Variants in DPP6 observed in about 807,000 individuals in gnomAD.
The protein encoded by DPP6 is dipeptidyl peptidase like 6, also known as A-type potassium channel modulatory protein DPP6.
Under a neutral mutation model 122.6 loss-of-function variants are expected in DPP6, and 69 were observed. The observed-to-expected ratio is 0.56, with a 90% CI of 0.46 to 0.69. The LOEUF (loss-of-function observed/expected upper bound fraction) is 0.69. Among genes scored for constraint, DPP6 ranks in the 30% least tolerant of loss-of-function variants. The pLI, the probability that DPP6 is intolerant of heterozygous loss-of-function variation, is 0.00. For missense variants in DPP6, 928 were observed against 1,116.9 expected (o/e 0.83, Z 2.41); for synonymous variants, 418 against 433.1 (o/e 0.97, Z 0.43).
chr7:154,798,062 G>T (rs143034309), intron 12 of DPP6, among the ~76,000 whole-genome samples: 5 of 152,338 alleles, frequency 3.3e-5, no homozygotes, highest in Non-Finnish European at 7.3e-5. Flanking sequence ...GTGATTCTTT[G>T]TTGGGGGCAG....
At chr7:154,888,087 C>CTTTT (rs532540671) in intron 23 of DPP6, among the ~76,000 whole-genome samples, 2 of 118,936 alleles carry the variant, frequency 1.7e-5, no homozygotes, top group Non-Finnish European at 3.4e-5. Flanking sequence ...GGAGAGTGAG[C>CTTTT]TTTTTTTTTT....
In DPP6 at chr7:154,564,335, G is replaced by C. The variant is rs1830605531; in HGVS notation, c.553-2507G>C. ...GTTTTCTAAAGATAAAATCAACATTGTCTAAAACGTGGATAGTAAGGATCA... is the reference window on the plus strand; with the variant it reads ...GTTTTCTAAAGATAAAATCAACATTCTCTAAAACGTGGATAGTAAGGATCA... On this transcript the variant is annotated intron_variant, in intron 4 of 25. Transcript: ENST00000377770. Among the ~76,000 whole-genome samples, 3 of 152,204 alleles carry C rather than the reference G, an allele frequency of 2.0e-5. No individual in the cohort carries two copies. The South Asian group carries it at 6.2e-4, about 32-fold the overall frequency.
chr7:154,572,308 C>T (rs1831158068), intron 5 of DPP6, among the ~76,000 whole-genome samples: 1 of 152,014 alleles, frequency 6.6e-6, no homozygotes, highest in South Asian at 2.1e-4. Context: ...CCAACTATAT[C>T]CCAGAATCTT....
intron 3 of DPP6, among the ~76,000 whole-genome samples, chr7:154,535,622 T>A (rs542356047): frequency 4.8e-4 from 72 of 151,116 alleles, no homozygotes; most frequent in Admixed American, 9.9e-4. Context: ...TAAAGAATTT[T>A]AAAAAATACA....
chr7:154,556,863 A>G (rs1830080629), intron 4 of DPP6, among the ~76,000 whole-genome samples: 1 of 152,216 alleles, frequency 6.6e-6, no homozygotes, highest in South Asian at 2.1e-4. Context: ...ATCAAGCCTG[A>G]AACCAAGGCC....
At chr7:153,919,341 G>A (rs74550250) in intron 1 of DPP6, among the ~76,000 whole-genome samples, 1,698 of 152,228 alleles carry the variant, frequency 0.011, 36 homozygotes, top group African/African-American at 0.038. Flanking sequence ...TGCATTCATC[G>A]TCCGAATGCC....
At chr7:154,610,736 T>C (rs1459500356) in intron 5 of DPP6, among the ~76,000 whole-genome samples, 2 of 142,962 alleles carry the variant, frequency 1.4e-5, no homozygotes, top group African/African-American at 5.2e-5. Context: ...TGTGTGTGTG[T>C]GTGTGTGTGA....
At chr7:154,582,672 C>T (rs184474419) in intron 5 of DPP6, among the ~76,000 whole-genome samples, 9 of 152,192 alleles carry the variant, frequency 5.9e-5, no homozygotes, top group South Asian at 2.1e-4. Context: ...TCTCTCCCAC[C>T]GCAAAATAAA....
the DPP6 span, among the ~76,000 whole-genome samples, chr7:153,759,270 T>A: frequency 3.3e-5 from 5 of 151,890 alleles, no homozygotes; most frequent in Non-Finnish European, 7.4e-5. Flanking sequence ...TTATCAGCTA[T>A]ATATTTGCAA....
At chr7:153,901,444 A>G (rs1166910394) in intron 1 of DPP6, among the ~76,000 whole-genome samples, 1 of 152,220 alleles carries the variant, frequency 6.6e-6, no homozygotes, top group Non-Finnish European at 1.5e-5. Flanking sequence ...AGACCACCAT[A>G]GTGGGTAGGT....
At chr7:154,112,848 A>G (rs1347859519) in intron 1 of DPP6, among the ~76,000 whole-genome samples, 3 of 152,138 alleles carry the variant, frequency 2.0e-5, no homozygotes, top group Admixed American at 6.5e-5. Flanking sequence ...AACTTATTTC[A>G]TTTTGCACAA....
chr7:154,575,819 G>C lies in DPP6; in HGVS notation c.627+8903G>C, dbSNP rs940461580. ...ATCTGTGTGTTTGTGTGTGTAGTGT[G>C]TGTGTGTGTTGTTCTGGCTAGTGGG... On this transcript the variant is annotated intron_variant, in intron 5 of 25. Coordinates refer to ENST00000377770, the MANE Select transcript of DPP6 (RefSeq NM_130797.4). 8.1e-3 allele frequency among the ~76,000 whole-genome samples: 1,223 copies of C among 151,842 alleles called. 16 individuals carry two copies. The highest frequency in any genetic ancestry group is 0.028 in the African/African-American group (1,144 of 41,400).
chr7:154,719,348 G>T (rs1442428551), intron 7 of DPP6, among the ~76,000 whole-genome samples: 4 of 152,080 alleles, frequency 2.6e-5, no homozygotes, highest in Non-Finnish European at 5.9e-5. Flanking sequence ...CCTTCCATTT[G>T]CTTGAAATTA....
At chr7:154,848,327 G>A (rs1802106754) in intron 16 of DPP6, among the ~76,000 whole-genome samples, 1 of 136,874 alleles carries the variant, frequency 7.3e-6, no homozygotes, top group Admixed American at 7.2e-5. Flanking sequence ...CATGCTTGCC[G>A]ACACTTGTTA....
chr7:154,397,935 C>T (rs1355556215), intron 1 of DPP6, among the ~76,000 whole-genome samples: 4 of 152,270 alleles, frequency 2.6e-5, no homozygotes, highest in East Asian at 3.9e-4. Context: ...TTCAGTCAAT[C>T]TTTTAAATAA....
intron 1 of DPP6, among the ~76,000 whole-genome samples, chr7:154,068,158 C>T (rs541781469): frequency 1.3e-5 from 2 of 152,072 alleles, no homozygotes; most frequent in Non-Finnish European, 2.9e-5. Flanking sequence ...GCAGCATGTC[C>T]TTAGGGGTGT....
intron 3 of DPP6, among the ~76,000 whole-genome samples, chr7:154,515,063 T>A (rs182089254): frequency 6.6e-6 from 1 of 152,320 alleles, no homozygotes; most frequent in Admixed American, 6.5e-5. Flanking sequence ...CTCAAGAAAT[T>A]AGGCCTTAAA....
chr7:154,753,500 G>A (rs757767227), intron 8 of DPP6, among the ~76,000 whole-genome samples: 10 of 152,090 alleles, frequency 6.6e-5, no homozygotes, highest in Non-Finnish European at 1.0e-4. Flanking sequence ...TTCCCCGAGC[G>A]CCACCTCTCA....
At chr7:154,429,576 G>A (rs191775773) in intron 1 of DPP6, among the ~76,000 whole-genome samples, 5 of 152,306 alleles carry the variant, frequency 3.3e-5, no homozygotes, top group Admixed American at 1.3e-4. Context: ...GAACTCGGGA[G>A]GCAATCTGGG....
Sources: gnomAD v4.1 joint callset for allele counts (sites outside exome capture counted in the v4.1 genomes callset) on GRCh38, gnomAD v4.1.1 for gene constraint, MANE v1.5 for transcripts, NCBI Gene and HGNC (gene_info 2026-07-23, HGNC 2026-07-21) for gene names.